PHC2: variants seen among roughly 807,000 people sequenced by gnomAD.
PHC2 encodes the protein polyhomeotic homolog 2.
A neutral mutation model predicts 87.4 loss-of-function variants in PHC2; 29 were observed. The observed-to-expected ratio is 0.33, with a 90% CI of 0.25 to 0.45. The LOEUF is 0.45. Ranked by LOEUF, PHC2 falls within the 20% of genes least tolerant of loss-of-function variation. PHC2 has a pLI of 1.00. For synonymous variants in PHC2, 438 were observed against 461.7 expected (o/e 0.95, Z 0.66); for missense variants, 857 against 1,136.7 (o/e 0.75, Z 3.54).
rs777845785 is a variant in PHC2 at position 33,329,093 on chromosome 1, G to A, written c.2202C>T (p.Ser734=). ...SVTAALQLTH[S]QEDSSRCSDN... ...CTGAGCAACGGCTGGAGTCTTCCTG[G>A]CTGTGTGTTAGCTGCAAAGCAGCAG... Residue 734 remains serine (S), a synonymous_variant, in exon 14 of 15, where the codon AGC becomes AGT. Coordinates refer to ENST00000683057, the MANE Select transcript of PHC2 (RefSeq NM_001385109.1). The A allele has an allele frequency of 1.9e-6, 3 of 1,614,074 alleles. No individual in the cohort carries two copies. The highest frequency in any genetic ancestry group is 2.5e-6 in the Non-Finnish European group (3 of 1,180,046).
rs1264638360 is a variant in PHC2, at chr1:33,368,501, AC to A, written c.663+34del. 1.5e-5 allele frequency: 18 copies of A among 1,194,784 alleles called. No homozygotes were observed. Among genetic ancestry groups the A allele is most frequent in the Non-Finnish European group, 1.8e-5 (15 of 848,522 alleles). 74.0% of individuals were successfully genotyped at this position (1,194,784 alleles called of 1,614,324 possible). On this transcript the variant is annotated intron_variant, in intron 6 of 14. Coordinates refer to ENST00000683057, the MANE Select transcript of PHC2 (RefSeq NM_001385109.1). This position sits in a 1 kb window ranked among gnomAD's most constrained non-coding sequence, Gnocchi z 6.6. The stretch of plus-strand genomic sequence containing the variant: ...TCAGTGCCCCTCTACAGGGGTGCCC[AC>A]CCCCCTGCCCTCCCACAAGCATGGA...
intron 1 of PHC2, among the ~76,000 whole-genome samples, chr1:33,389,145 G>C (rs1648923811): frequency 6.6e-6 from 1 of 151,990 alleles, no homozygotes. Context: ...ACAGACGTAA[G>C]CCACGGGTTG....
intron 9 of PHC2, among the ~76,000 whole-genome samples, chr1:33,338,890 G>A (rs1452487230): frequency 6.6e-6 from 1 of 152,150 alleles, no homozygotes; most frequent in Non-Finnish European, 1.5e-5. Context: ...GAAGGGGGAG[G>A]TAAAATCTTG....
In PHC2 at chr1:33,323,751, A is replaced by G. The variant is rs547734759; in HGVS notation, c.*1114T>C. 6.5e-6 allele frequency: 1 copy of G among 152,686 alleles called. No individual in the cohort carries two copies. 9.5% of individuals were successfully genotyped at this position (152,686 alleles called of 1,614,324 possible). The stretch of plus-strand genomic sequence containing the variant: ...AGAAAGGTGCCTACCTCCTTCCTGC[A>G]AAGGACACGGCAGGTCAGAGGCAGG... On this transcript the variant is annotated 3_prime_UTR_variant, in exon 15 of 15. Coordinates refer to ENST00000683057, the MANE Select transcript of PHC2 (RefSeq NM_001385109.1).
chr1:33,402,928 C>G (rs1387291342), intron 1 of PHC2, among the ~76,000 whole-genome samples: 1 of 151,916 alleles, frequency 6.6e-6, no homozygotes, highest in Non-Finnish European at 1.5e-5. Flanking sequence ...CCTGCCTCAG[C>G]CTCCCAAGTA....
In PHC2 at chr1:33,368,682, G is replaced by C; in HGVS notation, c.577-60C>G. The C allele has an allele frequency of 7.8e-7, 1 of 1,276,836 alleles. No homozygotes were observed. The highest frequency in any genetic ancestry group is 2.5e-5 in the East Asian group (1 of 39,612). 79.1% of individuals were successfully genotyped at this position (1,276,836 alleles called of 1,614,324 possible). A position where few individuals can be genotyped will look rare whatever the true frequency, so the allele number is the denominator to read the frequency against. On this transcript the variant is annotated intron_variant, in intron 5 of 14. Transcript: ENST00000683057. The surrounding 1 kb of genome is among the most constrained non-coding windows in gnomAD (Gnocchi z 6.6). ...CTAGCTACCTGCACCAGGTTACCTG[G>C]CTGGGCCTGGAATCACAGGAAACGA...
At chr1:33,350,088 G>C (rs1265436227) in intron 9 of PHC2, among the ~76,000 whole-genome samples, 3 of 151,852 alleles carry the variant, frequency 2.0e-5, no homozygotes, top group Admixed American at 6.5e-5. Context: ...AGGGAGGCGG[G>C]CGCCACGCCA....
intron 1 of PHC2, among the ~76,000 whole-genome samples, chr1:33,419,081 C>T (rs1192991926): frequency 2.0e-5 from 3 of 152,174 alleles, no homozygotes; most frequent in Admixed American, 2.0e-4. Flanking sequence ...AAAACAGAAC[C>T]CCCATTATGG....
chr1:33,409,751 T>A (rs1298551250), intron 1 of PHC2, among the ~76,000 whole-genome samples: 2 of 152,168 alleles, frequency 1.3e-5, no homozygotes, highest in South Asian at 2.1e-4. Flanking sequence ...GTAACATTCA[T>A]CCATCATTGG....
Position 33,375,359 on chromosome 1 carries a change from C to T in PHC2, c.174+7G>A, listed in dbSNP as rs772539320. 2.6e-6 allele frequency: 4 copies of T among 1,548,206 alleles called. No homozygotes were observed. The highest frequency in any genetic ancestry group is 3.5e-6 in the Non-Finnish European group (4 of 1,144,516). On this transcript the variant is annotated splice_region_variant and intron_variant, in intron 2 of 14. Transcript: ENST00000683057. ...GAGTATAATTCCCAGATCAATTAGA[C>T]TCTTACCTGCACGGTCTGCCGGTCT...
chr1:33,341,850 T>C (rs1228108120), intron 9 of PHC2, among the ~76,000 whole-genome samples: 1 of 152,226 alleles, frequency 6.6e-6, no homozygotes, highest in Non-Finnish European at 1.5e-5. Context: ...CCTTCCCACC[T>C]GGGGTCCTCT....
chr1:33,330,800 T>C (rs540536749), intron 12 of PHC2, among the ~76,000 whole-genome samples: 2 of 152,348 alleles, frequency 1.3e-5, no homozygotes, highest in African/African-American at 4.8e-5. Context: ...TTAGCTATGT[T>C]ATCTGAGGCA....
At position 33,368,191 on chromosome 1, in the gene PHC2, G is replaced by A. The variant is rs536448286; in HGVS notation, c.663+345C>T. 7.2e-5 allele frequency among the ~76,000 whole-genome samples: 11 copies of A among 152,298 alleles called. No homozygotes were observed. Among genetic ancestry groups the A allele is most frequent in the African/African-American group, 1.7e-4 (7 of 41,564 alleles). On this transcript the variant is annotated intron_variant, in intron 6 of 14. Coordinates refer to ENST00000683057, the MANE Select transcript of PHC2 (RefSeq NM_001385109.1). The surrounding 1 kb of genome is among the most constrained non-coding windows in gnomAD (Gnocchi z 6.6). The stretch of plus-strand genomic sequence containing the variant: ...CCTAGCAGCACTACCGTGTGTAACC[G>A]GAGCGGGACTTTCCACTTATGAAGC...
chr1:33,349,884 G>A lies in PHC2; in HGVS notation c.1558+4517C>T, dbSNP rs1646931230. The A allele has an allele frequency of 2.0e-6, 2 of 977,528 alleles. No homozygotes were observed. The highest frequency in any genetic ancestry group is 1.8e-5 in the African/African-American group (1 of 56,154). 60.6% of individuals were successfully genotyped at this position (977,528 alleles called of 1,614,324 possible). A position where few individuals can be genotyped will look rare whatever the true frequency, so the allele number is the denominator to read the frequency against. ...CGGCGGGCGCTCGAGGGCTGCAGCC[G>A]CCGCGGAGACAATGCGGCGAGTCTG... On this transcript the variant is annotated intron_variant, in intron 9 of 14. Transcript: ENST00000683057. The surrounding 1 kb of genome is among the most constrained non-coding windows in gnomAD (Gnocchi z 4.2).
chr1:33,357,098 A>C (rs1432545727), intron 7 of PHC2, among the ~76,000 whole-genome samples: 2 of 152,236 alleles, frequency 1.3e-5, no homozygotes, highest in African/African-American at 4.8e-5. Context: ...GCTCAGCTGA[A>C]TCTGTCCTGT....
rs558281767 is a variant in PHC2, at chr1:33,349,054, T to A, written c.1558+5347A>T. ...AAAGAAGCAACAAATATAGTCTACC[T>A]TCATTTGGCATAGGAAGGAGAGAAA... On this transcript the variant is annotated intron_variant, in intron 9 of 14. Transcript: ENST00000683057. This position sits in a 1 kb window ranked among gnomAD's most constrained non-coding sequence, Gnocchi z 4.2. 1.0e-6 allele frequency: 1 copy of A among 983,334 alleles called. No individual in the cohort carries two copies. Among genetic ancestry groups the A allele is most frequent in the Admixed American group, 6.1e-5 (1 of 16,274 alleles). 60.9% of individuals were successfully genotyped at this position (983,334 alleles called of 1,614,324 possible).
intron 9 of PHC2, among the ~76,000 whole-genome samples, chr1:33,342,294 C>T (rs973210184): frequency 6.6e-6 from 1 of 152,202 alleles, no homozygotes; most frequent in Admixed American, 6.5e-5. Flanking sequence ...GACCAGCTCC[C>T]GTTAAGGCAT....
At chr1:33,405,732 G>A (rs1649735830) in intron 1 of PHC2, among the ~76,000 whole-genome samples, 1 of 152,024 alleles carries the variant, frequency 6.6e-6, no homozygotes, top group African/African-American at 2.4e-5. Flanking sequence ...TATCAGTCAG[G>A]AATATTTTCT....
At chr1:33,325,851 C>G in intron 14 of PHC2, 1 of 456,606 alleles carries the variant, frequency 2.2e-6, no homozygotes, top group South Asian at 1.5e-5. Context: ...GGCCTCAGAA[C>G]TGGCCACAGG....
Sources: gnomAD v4.1 joint callset for allele counts (sites outside exome capture counted in the v4.1 genomes callset) on GRCh38, gnomAD v4.1.1 for gene constraint, Gnocchi (gnomAD v3.1) non-coding constraint, MANE v1.5 for transcripts, NCBI Gene and HGNC (gene_info 2026-07-23, HGNC 2026-07-21) for gene names.